Variants in MYOM1 observed in about 807,000 individuals in gnomAD.
MYOM1 encodes myomesin 1.
In MYOM1, 164 loss-of-function variants were observed where a neutral mutation model predicts 205.3. That is an observed-to-expected ratio of 0.80 (90% CI 0.70 to 0.91). The LOEUF (loss-of-function observed/expected upper bound fraction) is 0.91. Ranked by LOEUF, MYOM1 falls within the 40% of genes least tolerant of loss-of-function variation. The pLI, the probability that MYOM1 is intolerant of heterozygous loss-of-function variation, is 0.00. For synonymous variants in MYOM1, 772 were observed against 789.4 expected (o/e 0.98, Z 0.37); for missense variants, 2,011 against 2,127.3 (o/e 0.95, Z 1.08).
chr18:3,143,929 A>G (rs1206414349), intron 13 of MYOM1, among the ~76,000 whole-genome samples: 2 of 140,030 alleles, frequency 1.4e-5, no homozygotes, highest in Non-Finnish European at 3.1e-5. Context: ...AAAAAAGGCC[A>G]GGCACGGTGG....
intron 19 of MYOM1, among the ~76,000 whole-genome samples, chr18:3,122,174 A>G (rs1218916551): frequency 2.2e-5 from 3 of 136,744 alleles, no homozygotes; most frequent in African/African-American, 8.7e-5. Context: ...ACAAAATAAG[A>G]TATTAGTTTT....
intron 10 of MYOM1, among the ~76,000 whole-genome samples, chr18:3,162,683 G>A (rs1271839175): frequency 6.6e-6 from 1 of 152,156 alleles, no homozygotes; most frequent in African/African-American, 2.4e-5. Context: ...CAAGTGCTAG[G>A]ATCCCGTGGA....
intron 2 of MYOM1, 109 bp from the exon 3 acceptor site, chr18:3,194,067 C>A: frequency 1.8e-6 from 2 of 1,092,134 alleles, no homozygotes; most frequent in Non-Finnish European, 2.6e-6. Flanking sequence ...AATCCTAGAT[C>A]TCTAATGTTA....
rs182999903 is a variant in MYOM1, at chr18:3,202,072, A to G, written c.291-8114T>C. 7.7e-4 allele frequency among the ~76,000 whole-genome samples: 117 copies of G among 152,334 alleles called. 1 individual carries two copies. Among genetic ancestry groups the G allele is most frequent in the Admixed American group, 1.2e-3 (19 of 15,296 alleles). On this transcript the variant is annotated intron_variant, in intron 2 of 37. Transcript: ENST00000356443. The stretch of plus-strand genomic sequence containing the variant: ...AAAGGAGGGAGAAGGAAATGAAGCT[A>G]TATTAGAGGAAAGTTTCTATGTTTA...
the MYOM1 span, among the ~76,000 whole-genome samples, chr18:3,244,263 AATAGTGG>A: frequency 6.6e-6 from 1 of 152,206 alleles, no homozygotes; most frequent in African/African-American, 2.4e-5. Flanking sequence ...GAACCACTGC[AATAGTGG>A]ATCATAAGCT....
Position 3,154,939 on chromosome 18 carries a change from G to C in MYOM1, c.1643+8C>G. 1 of 1,608,552 alleles carries C rather than the reference G, an allele frequency of 6.2e-7. No individual in the cohort carries two copies. The highest frequency in any genetic ancestry group is 8.5e-7 in the Non-Finnish European group (1 of 1,177,234). Reference sequence around the variant, plus strand: ...ATAACTGTAATTGATGTTAGCCTAAGCACTAACTTATCAATAAAATATCCG... The same window carrying C: ...ATAACTGTAATTGATGTTAGCCTAACCACTAACTTATCAATAAAATATCCG... On this transcript the variant is annotated splice_region_variant and intron_variant, in intron 11 of 37. Coordinates refer to ENST00000356443, the MANE Select transcript of MYOM1 (RefSeq NM_003803.4).
At chr18:3,117,864 GT>G (rs1328959999) in intron 20 of MYOM1, among the ~76,000 whole-genome samples, 1 of 152,096 alleles carries the variant, frequency 6.6e-6, no homozygotes, top group African/African-American at 2.4e-5. Flanking sequence ...GCCTTCCGAT[GT>G]TTTGTATAAA....
chr18:3,153,924 C>T (rs533996781), intron 11 of MYOM1, among the ~76,000 whole-genome samples: 2 of 152,246 alleles, frequency 1.3e-5, no homozygotes, highest in South Asian at 4.1e-4. Context: ...CTGTCTGTAT[C>T]GTCCAAACTC....
chr18:3,094,261 C>A lies in MYOM1; in HGVS notation c.3773G>T (p.Gly1258Val). Reference sequence around the variant, plus strand: ...AGCCTGCATCCAAAACCGGACCTGGCCTTTCTCCAAAATTTCAACTGCCAA... The same window carrying A: ...AGCCTGCATCCAAAACCGGACCTGGACTTTCTCCAAAATTTCAACTGCCAA... ...SELAVEILEKGQVRFWMQAEK... is the reference protein window; with the variant it reads ...SELAVEILEKVQVRFWMQAEK... The change falls in exon 26 of 38, where the codon GGC (glycine) becomes GTC (valine). Residue 1258 changes from glycine to valine, a missense_variant. Transcript: ENST00000356443. 1 of 1,613,844 alleles carries A rather than the reference C, an allele frequency of 6.2e-7. No individual in the cohort carries two copies. Among genetic ancestry groups the A allele is most frequent in the Non-Finnish European group, 8.5e-7 (1 of 1,179,836 alleles).
At chr18:3,099,961 C>G (rs1170425171) in intron 25 of MYOM1, among the ~76,000 whole-genome samples, 198 bp downstream of exon 25, 1 of 152,162 alleles carries the variant, frequency 6.6e-6, no homozygotes, top group Non-Finnish European at 1.5e-5. Flanking sequence ...ATGTTAGTAT[C>G]CTTGGTATCT....
chr18:3,133,459 C>T (rs1486897961), intron 16 of MYOM1, among the ~76,000 whole-genome samples: 1 of 152,154 alleles, frequency 6.6e-6, no homozygotes, highest in East Asian at 1.9e-4. Flanking sequence ...AAGAAACCAA[C>T]CCTCTCCCCA....
At chr18:3,127,689 A>G (rs932188298) in intron 18 of MYOM1, among the ~76,000 whole-genome samples, 4 of 152,112 alleles carry the variant, frequency 2.6e-5, no homozygotes, top group East Asian at 1.9e-4. Context: ...ACAACTACAC[A>G]ACTCTGTCTG....
intron 14 of MYOM1, among the ~76,000 whole-genome samples, chr18:3,136,973 C>T (rs1476586543): frequency 6.1e-5 from 9 of 147,944 alleles, no homozygotes; most frequent in East Asian, 5.9e-4. Flanking sequence ...TTTTTTGAGA[C>T]GGAGTCTCGC....
At chr18:3,164,546 T>A in intron 9 of MYOM1, 107 bp from the exon 10 acceptor site, 2 of 1,074,798 alleles carry the variant, frequency 1.9e-6, no homozygotes, top group Non-Finnish European at 2.6e-6. Flanking sequence ...GAAAGTAATT[T>A]AACTACTAGA....
At chr18:3,181,629 C>T (rs1474388873) in intron 5 of MYOM1, among the ~76,000 whole-genome samples, 1 of 151,830 alleles carries the variant, frequency 6.6e-6, no homozygotes, top group Non-Finnish European at 1.5e-5. Context: ...GAATCTCTGC[C>T]TTTGTAACTA....
Position 3,092,143 on chromosome 18 carries a change from T to C in MYOM1, c.3865-1341A>G, listed in dbSNP as rs561523578. 4.6e-5 allele frequency among the ~76,000 whole-genome samples: 7 copies of C among 152,284 alleles called. No individual in the cohort carries two copies. The South Asian group carries it at 1.5e-3, about 32-fold the overall frequency. On this transcript the variant is annotated intron_variant, in intron 26 of 37. Transcript: ENST00000356443. ...CTTGCACATACATGGTATATAGTAGTCAATTAATAAATATCTGCTGAACTA... is the reference window on the plus strand; with the variant it reads ...CTTGCACATACATGGTATATAGTAGCCAATTAATAAATATCTGCTGAACTA...
In MYOM1 at chr18:3,193,928, A is replaced by G. The variant is rs2080956290; in HGVS notation, c.321T>C (p.Asp107=). ...GLTDSSLLLD[D]YSSKLSPKPK... ...GTTTGGGGCTCAACTTGGATGAATA[A>G]TCATCTAACAGCAGACTGGAATCTG... The change falls in exon 3 of 38, where the codon GAT becomes GAC. Residue 107 remains aspartate, a synonymous_variant. Coordinates refer to ENST00000356443, the MANE Select transcript of MYOM1 (RefSeq NM_003803.4). The G allele has an allele frequency of 1.2e-6, 2 of 1,613,836 alleles. No individual in the cohort carries two copies. The highest frequency in any genetic ancestry group is 4.5e-5 in the East Asian group (2 of 44,868).
Position 3,189,216 on chromosome 18 carries a change from A to G in MYOM1, c.432-129T>C. ...ACCAAAAGAAAATCCGACATAGAAA[A>G]AGCAGGTGAATCAGAAGCTGACACT... On this transcript the variant is annotated intron_variant, in intron 3 of 37. Coordinates refer to ENST00000356443, the MANE Select transcript of MYOM1 (RefSeq NM_003803.4). This position sits in a 1 kb window ranked among gnomAD's most constrained non-coding sequence, Gnocchi z 4.8. 2.4e-6 allele frequency: 2 copies of G among 843,544 alleles called. No homozygotes were observed. The highest frequency in any genetic ancestry group is 3.8e-5 in the South Asian group (2 of 53,318). The allele number at this position is 843,544 out of a possible 1,614,324, so 52.3% of individuals were successfully genotyped here. A position where few individuals can be genotyped will look rare whatever the true frequency, so the allele number is the denominator to read the frequency against.
At chr18:3,081,324 CCTGT>C (rs1282146406) in intron 33 of MYOM1, among the ~76,000 whole-genome samples, 5 of 152,090 alleles carry the variant, frequency 3.3e-5, no homozygotes, top group South Asian at 2.1e-4. Flanking sequence ...AATTAAATGA[CCTGT>C]CTAAGATCAT....
Sources: gnomAD v4.1 joint callset for allele counts (sites outside exome capture counted in the v4.1 genomes callset) on GRCh38, gnomAD v4.1.1 for gene constraint, Gnocchi (gnomAD v3.1) non-coding constraint, MANE v1.5 for transcripts, NCBI Gene and HGNC (gene_info 2026-07-23, HGNC 2026-07-21) for gene names.